The following SPHKAP variants were observed in gnomAD, a reference collection of about 807,000 sequenced individuals.
The protein encoded by SPHKAP is A-kinase anchor protein SPHKAP.
SPHKAP carries 67 observed loss-of-function variants against 137.5 expected under a neutral mutation model. The observed-to-expected ratio is 0.49, with a 90% CI of 0.40 to 0.60. SPHKAP has a LOEUF of 0.60. Ranked by LOEUF, SPHKAP falls within the 20% of genes least tolerant of loss-of-function variation. The pLI, the probability that SPHKAP is intolerant of heterozygous loss-of-function variation, is 0.00. For missense variants in SPHKAP, 2,097 were observed against 2,069.3 expected, an observed-to-expected ratio of 1.01 and a Z score of -0.26; for synonymous variants, 813 against 785.3, an observed-to-expected ratio of 1.04 and a Z score of -0.59.
intron 4 of SPHKAP, chr2:228,025,939 CT>C: frequency 1.1e-6 from 1 of 887,376 alleles, no homozygotes; most frequent in East Asian, 1.2e-4. Flanking sequence ...CATCTTGTAG[CT>C]GCTATAATTG....
chr2:228,112,325 T>G (rs968173719), intron 2 of SPHKAP, among the ~76,000 whole-genome samples: 2 of 152,142 alleles, frequency 1.3e-5, no homozygotes, highest in African/African-American at 4.8e-5. Flanking sequence ...CAATGCAGTT[T>G]AACAAACATT....
At chr2:228,046,921 T>C (rs1303061997) in intron 3 of SPHKAP, among the ~76,000 whole-genome samples, 1 of 152,134 alleles carries the variant, frequency 6.6e-6, no homozygotes, top group Non-Finnish European at 1.5e-5. Flanking sequence ...TCATTATGAT[T>C]CCACATGTTA....
At chr2:228,108,649 A>G (rs1417148249) in intron 3 of SPHKAP, among the ~76,000 whole-genome samples, 183 bp downstream of exon 3, 1 of 152,220 alleles carries the variant, frequency 6.6e-6, no homozygotes, top group Non-Finnish European at 1.5e-5. Context: ...CAAAATGGGG[A>G]TACAAACATT....
rs1333173850 is a variant in SPHKAP at position 228,180,656 on chromosome 2, C to T, written c.32+911G>A. Reference sequence around the variant, plus strand: ...CCCTCTCCCTGGGAGCAACAGCATCCTTGGCTCCCGGCGCGAGCGCTCCGC... The same window carrying T: ...CCCTCTCCCTGGGAGCAACAGCATCTTTGGCTCCCGGCGCGAGCGCTCCGC... On this transcript the variant is annotated intron_variant, in intron 1 of 11. Transcript: ENST00000392056. 9.2e-5 allele frequency among the ~76,000 whole-genome samples: 14 copies of T among 152,342 alleles called. 1 individual carries two copies. The East Asian group carries it at 2.7e-3, about 30-fold the overall frequency.
chr2:228,142,606 C>T (rs1699640707), intron 1 of SPHKAP, among the ~76,000 whole-genome samples: 2 of 151,948 alleles, frequency 1.3e-5, no homozygotes, highest in South Asian at 4.2e-4. Flanking sequence ...GAAGAGAAAA[C>T]CAAATACTGC....
chr2:228,087,277 T>G (rs969292615), intron 3 of SPHKAP, among the ~76,000 whole-genome samples: 1 of 152,028 alleles, frequency 6.6e-6, no homozygotes, highest in African/African-American at 2.4e-5. Context: ...AATGAAAAAT[T>G]AAGGAACAAC....
rs765369985 is a variant in SPHKAP, at chr2:228,018,874, T to C, written c.1980A>G (p.Glu660=). ...TASKSQTLCS[E]NVVRNELAHT... ...GTGCCAGTTCATTCCTGACGACATT[T>C]TCTGAGCACAGGGTCTGAGACTTTG... is the stretch of plus-strand genomic sequence containing the variant. Residue 660 remains glutamate, a synonymous_variant, in exon 7 of 12, where the codon GAA becomes GAG. Transcript: ENST00000392056. 1.2e-6 allele frequency: 2 copies of C among 1,614,084 alleles called. No individual in the cohort carries two copies. Among genetic ancestry groups the C allele is most frequent in the African/African-American group, 2.7e-5 (2 of 74,936 alleles).
At chr2:228,011,774 T>C (rs1694382683) in intron 7 of SPHKAP, among the ~76,000 whole-genome samples, 1 of 152,206 alleles carries the variant, frequency 6.6e-6, no homozygotes, top group Non-Finnish European at 1.5e-5. Context: ...AGTTTTACTT[T>C]GTGGAATGAT....
At chr2:228,151,656 T>C (rs954450819) in intron 1 of SPHKAP, among the ~76,000 whole-genome samples, 3 of 152,126 alleles carry the variant, frequency 2.0e-5, no homozygotes, top group Non-Finnish European at 4.4e-5. Context: ...CTCATTGTGG[T>C]TTTGATTTGA....
At chr2:228,072,807 T>C (rs1033384524) in intron 3 of SPHKAP, among the ~76,000 whole-genome samples, 1 of 152,208 alleles carries the variant, frequency 6.6e-6, no homozygotes, top group African/African-American at 2.4e-5. Flanking sequence ...AGTCTCAGTT[T>C]TGCAGCCCAG....
intron 9 of SPHKAP, 89 bp from the exon 10 acceptor site, chr2:227,991,415 A>G: frequency 1.9e-6 from 3 of 1,603,192 alleles, no homozygotes; most frequent in Non-Finnish European, 2.6e-6. Flanking sequence ...TACTGATCTA[A>G]AAGCTTCTGA....
chr2:227,980,240 T>C lies in SPHKAP; in HGVS notation c.*1477A>G, dbSNP rs1159408975. ...AGCATAATAACCTAAATTTGGACTA[T>C]CTGAATAAGAAATGCCTAATGAGCA... On this transcript the variant is annotated 3_prime_UTR_variant, in exon 12 of 12. Coordinates refer to ENST00000392056, the MANE Select transcript of SPHKAP (RefSeq NM_001142644.2). 6.6e-6 allele frequency: 1 copy of C among 152,322 alleles called. No individual in the cohort carries two copies. Among genetic ancestry groups the C allele is most frequent in the African/African-American group, 2.4e-5 (1 of 41,458 alleles). The allele number at this position is 152,322 out of a possible 1,614,324, so 9.4% of individuals were successfully genotyped here.
chr2:228,022,029 A>G, intron 5 of SPHKAP, 63 bp from the exon 6 acceptor site: 1 of 1,489,980 alleles, frequency 6.7e-7, no homozygotes, highest in Non-Finnish European at 8.9e-7. Context: ...ATTGCCTCTG[A>G]GCTTTCCTTT....
At chr2:228,061,985 T>C (rs2106288076) in intron 3 of SPHKAP, among the ~76,000 whole-genome samples, 1 of 152,132 alleles carries the variant, frequency 6.6e-6, no homozygotes, top group South Asian at 2.1e-4. Flanking sequence ...TTAACCAGCT[T>C]GGAAATATGT....
chr2:228,179,607 T>G (rs1700842604), intron 1 of SPHKAP, among the ~76,000 whole-genome samples: 1 of 152,176 alleles, frequency 6.6e-6, no homozygotes, highest in Non-Finnish European at 1.5e-5. Flanking sequence ...CGGAAATTAC[T>G]ACACTGATTT....
At chr2:228,153,634 A>C (rs1700005691) in intron 1 of SPHKAP, among the ~76,000 whole-genome samples, 1 of 152,212 alleles carries the variant, frequency 6.6e-6, no homozygotes, top group South Asian at 2.1e-4. Context: ...GCTGATATTT[A>C]AGATTTTCTG....
intron 1 of SPHKAP, among the ~76,000 whole-genome samples, chr2:228,154,336 G>A (rs1700027860): frequency 6.6e-6 from 1 of 150,814 alleles, no homozygotes; most frequent in Non-Finnish European, 1.5e-5. Flanking sequence ...AAGAATATTA[G>A]GGAGATTTTA....
At chr2:228,028,791 T>C (rs1245087616) in intron 3 of SPHKAP, among the ~76,000 whole-genome samples, 2 of 152,220 alleles carry the variant, frequency 1.3e-5, no homozygotes, top group African/African-American at 2.4e-5. Context: ...CACCTAATCA[T>C]GCATTTCTCA....
In SPHKAP at chr2:228,019,587, A is replaced by G; in HGVS notation, c.1267T>C (p.Ser423Pro). 1 of 1,614,172 alleles carries G rather than the reference A, an allele frequency of 6.2e-7. No individual in the cohort carries two copies. The highest frequency in any genetic ancestry group is 8.5e-7 in the Non-Finnish European group (1 of 1,180,004). ...TLPQESAVSV[S>P]VGSSLLPSCY... ...CTGGGAAGCAGAGAACTTCCTACAGAAACACTGACTGCAGATTCCTGGGGT... is the reference window on the plus strand; with the variant it reads ...CTGGGAAGCAGAGAACTTCCTACAGGAACACTGACTGCAGATTCCTGGGGT... Residue 423 changes from serine to proline, a missense_variant, in exon 7 of 12, where the codon TCT becomes CCT. Coordinates refer to ENST00000392056, the MANE Select transcript of SPHKAP (RefSeq NM_001142644.2).
Sources: gnomAD v4.1 joint callset for allele counts (sites outside exome capture counted in the v4.1 genomes callset) on GRCh38, gnomAD v4.1.1 for gene constraint, MANE v1.5 for transcripts, NCBI Gene and HGNC (gene_info 2026-07-23, HGNC 2026-07-21) for gene names.